The following GRID2 variants were observed in gnomAD, a reference collection of about 807,000 sequenced individuals.
The protein encoded by GRID2 is glutamate ionotropic receptor delta type subunit 2.
Under a neutral mutation model 114.8 loss-of-function variants are expected in GRID2, and 33 were observed. The observed-to-expected ratio is 0.29, with a 90% CI of 0.22 to 0.38. GRID2 has a LOEUF of 0.38. GRID2 is among the 10% of genes least tolerant of loss of function. GRID2 has a pLI of 1.00. For missense variants in GRID2, 1,184 were observed against 1,257.7 expected, an observed-to-expected ratio of 0.94 and a Z score of 0.89; for synonymous variants, 505 against 449.9, an observed-to-expected ratio of 1.12 and a Z score of -1.55.
At chr4:92,536,375 G>A (rs183998915) in intron 1 of GRID2, among the ~76,000 whole-genome samples, 40 of 152,154 alleles carry the variant, frequency 2.6e-4, no homozygotes, top group African/African-American at 8.9e-4. Flanking sequence ...AGACAGAAAC[G>A]TTCTCCAAGT....
intron 2 of GRID2, among the ~76,000 whole-genome samples, chr4:92,843,146 G>T (rs965151053): frequency 2.6e-5 from 4 of 152,094 alleles, no homozygotes; most frequent in Non-Finnish European, 5.9e-5. Flanking sequence ...GGAAGCTGAG[G>T]TGGGAGAATC....
chr4:92,441,661 G>A (rs148619248), intron 1 of GRID2, among the ~76,000 whole-genome samples: 7,682 of 152,156 alleles, frequency 0.05, 230 homozygotes, highest in African/African-American at 0.085. Flanking sequence ...TGTAGCAGGC[G>A]AGTGATAACA....
chr4:93,761,337 G>A (rs978391984), intron 14 of GRID2, among the ~76,000 whole-genome samples: 2 of 152,150 alleles, frequency 1.3e-5, no homozygotes, highest in African/African-American at 4.8e-5. Context: ...AGTGAAATGA[G>A]AACTTATTGG....
chr4:93,057,580 G>T (rs1028506986), intron 2 of GRID2, among the ~76,000 whole-genome samples: 1 of 151,734 alleles, frequency 6.6e-6, no homozygotes, highest in Non-Finnish European at 1.5e-5. Context: ...CTACGTATGC[G>T]TTATTGATTT....
rs140080585 is a variant in GRID2, at chr4:92,497,623, C to T, written c.89-92508C>T. Among the ~76,000 whole-genome samples the T allele has an allele frequency of 4.6e-5, 7 of 151,910 alleles. No individual in the cohort carries two copies. In the East Asian group the frequency reaches 1.2e-3, roughly 25 times the overall value. On this transcript the variant is annotated intron_variant, in intron 1 of 15. Transcript: ENST00000282020. ...TAGCTAAGAATTTTCTGAGGAGACACGGTACAAATGTGTTTCAAGAGCCAG... is the reference window on the plus strand; with the variant it reads ...TAGCTAAGAATTTTCTGAGGAGACATGGTACAAATGTGTTTCAAGAGCCAG...
chr4:92,799,120 A>G (rs1313436598), intron 2 of GRID2, among the ~76,000 whole-genome samples: 2 of 152,002 alleles, frequency 1.3e-5, no homozygotes, highest in Admixed American at 1.3e-4. Context: ...CATAATGTAG[A>G]ATCACTGGGA....
At chr4:92,387,812 T>A (rs1345211776) in intron 1 of GRID2, among the ~76,000 whole-genome samples, 8 of 152,120 alleles carry the variant, frequency 5.3e-5, no homozygotes, top group Non-Finnish European at 5.9e-5. Flanking sequence ...GTGGTAGAAA[T>A]AAAAATTCCA....
chr4:93,404,940 A>G (rs935246032), intron 9 of GRID2, among the ~76,000 whole-genome samples: 3 of 152,114 alleles, frequency 2.0e-5, no homozygotes, highest in African/African-American at 7.2e-5. Context: ...CCTATGTGTC[A>G]TGTCTTCTCT....
chr4:92,533,106 C>T (rs867942641), intron 1 of GRID2, among the ~76,000 whole-genome samples: 3 of 151,900 alleles, frequency 2.0e-5, no homozygotes, highest in Middle Eastern at 3.4e-3. Flanking sequence ...TTTATTCTCC[C>T]TTTCTGTTCA....
At position 93,240,767 on chromosome 4, in the gene GRID2, T is replaced by TA. The variant is rs1205619859; in HGVS notation, c.1245+2277_1245+2278insA. 5.3e-5 allele frequency among the ~76,000 whole-genome samples: 8 copies of TA among 151,332 alleles called. No individual in the cohort carries two copies. The South Asian group carries it at 6.2e-4, about 12-fold the overall frequency. On this transcript the variant is annotated intron_variant, in intron 8 of 15. Coordinates refer to ENST00000282020, the MANE Select transcript of GRID2 (RefSeq NM_001510.4). ...TTTTATCTATCTAGAAGTTTTTTTTTTATATATATACGGGGTAAGAAAAAG... is the reference window on the plus strand; with the variant it reads ...TTTTATCTATCTAGAAGTTTTTTTTTATATATATATACGGGGTAAGAAAAAG...
At chr4:92,514,249 CTG>C (rs1389109143) in intron 1 of GRID2, among the ~76,000 whole-genome samples, 2 of 151,836 alleles carry the variant, frequency 1.3e-5, no homozygotes, top group East Asian at 3.9e-4. Flanking sequence ...TTATGTATAA[CTG>C]TAATTTGATA....
At chr4:92,661,145 G>C (rs1213402922) in intron 2 of GRID2, among the ~76,000 whole-genome samples, 1 of 150,782 alleles carries the variant, frequency 6.6e-6, no homozygotes, top group African/African-American at 2.4e-5. Flanking sequence ...CAGAAAGGGA[G>C]AATGGAGAAT....
chr4:93,040,572 T>C (rs1443129774), intron 2 of GRID2, among the ~76,000 whole-genome samples: 1 of 152,140 alleles, frequency 6.6e-6, no homozygotes, highest in East Asian at 1.9e-4. Flanking sequence ...TTCATCAGAA[T>C]GGATATCATA....
At chr4:93,402,056 C>T (rs369620756) in intron 9 of GRID2, among the ~76,000 whole-genome samples, 5 of 151,880 alleles carry the variant, frequency 3.3e-5, no homozygotes, top group African/African-American at 9.7e-5. Context: ...AAGCAATGTA[C>T]TTAATTTCCT....
chr4:92,745,439 A>T (rs1257701725), intron 2 of GRID2, among the ~76,000 whole-genome samples: 15 of 152,190 alleles, frequency 9.9e-5, no homozygotes, highest in Non-Finnish European at 1.8e-4. Flanking sequence ...ACACACACAC[A>T]TACCTATAGG....
intron 4 of GRID2, among the ~76,000 whole-genome samples, chr4:93,149,212 C>T (rs1224366266): frequency 2.0e-5 from 3 of 152,224 alleles, no homozygotes; most frequent in East Asian, 3.9e-4. Context: ...TCTCCATTTT[C>T]CTCTCACAGG....
At chr4:92,716,004 T>C (rs909349539) in intron 2 of GRID2, among the ~76,000 whole-genome samples, 1 of 152,184 alleles carries the variant, frequency 6.6e-6, no homozygotes, top group Non-Finnish European at 1.5e-5. Context: ...TCATTAGACA[T>C]CTGAGCAGAA....
intron 2 of GRID2, among the ~76,000 whole-genome samples, chr4:92,919,909 A>G (rs1424754975): frequency 6.6e-6 from 1 of 152,050 alleles, no homozygotes; most frequent in Non-Finnish European, 1.5e-5. Context: ...GTCCTTGTTA[A>G]CTTTCTGTCT....
intron 5 of GRID2, among the ~76,000 whole-genome samples, chr4:93,210,540 T>A (rs1276301428): frequency 6.6e-6 from 1 of 152,154 alleles, no homozygotes; most frequent in African/African-American, 2.4e-5. Context: ...CCAGCTTTGT[T>A]CTTTTCCCTT....
Sources: allele counts gnomAD v4.1 joint callset (sites outside exome capture counted in the v4.1 genomes callset), GRCh38; gene constraint gnomAD v4.1.1; transcripts MANE v1.5; gene names NCBI Gene and HGNC (gene_info 2026-07-23, HGNC 2026-07-21).